EIF4B: variants seen among roughly 807,000 people sequenced by gnomAD.
The protein encoded by EIF4B is eukaryotic translation initiation factor 4B.
In EIF4B, 8 loss-of-function variants were observed where a neutral mutation model predicts 79.3. That is an observed-to-expected ratio of 0.10 (90% CI 0.06 to 0.18). The LOEUF (loss-of-function observed/expected upper bound fraction) is 0.18, where lower values mean the gene tolerates loss of function less well. EIF4B is among the 10% of genes least tolerant of loss of function. The pLI is 1.00. For missense variants in EIF4B, 515 were observed against 792.4 expected (o/e 0.65, Z 4.20); for synonymous variants, 238 against 274.7 (o/e 0.87, Z 1.32).
At chr12:53,021,975 C>A in intron 5 of EIF4B, 115 bp downstream of exon 5, 1 of 1,278,778 alleles carries the variant, frequency 7.8e-7, no homozygotes, top group Non-Finnish European at 1.1e-6. Context: ...TCTACAGTAA[C>A]AGTTTTCAAT....
intron 2 of EIF4B, among the ~76,000 whole-genome samples, chr12:53,017,939 T>C (rs893204872): frequency 6.6e-6 from 1 of 152,214 alleles, no homozygotes; most frequent in Non-Finnish European, 1.5e-5. Flanking sequence ...TGTTGGTATC[T>C]GAAGTACAAA....
Position 53,028,133 on chromosome 12 carries a change from G to T in EIF4B, c.924G>T (p.Arg308=). Residue 308 remains arginine, a synonymous_variant, in exon 8 of 15, where the codon CGG becomes CGT. Transcript: ENST00000262056. ...YEDRYDRRDD[R]SWSSRDDYSR... is the part of the protein sequence containing the mutation. Reference sequence around the variant, plus strand: ...ACCGATATGACAGACGGGATGATCGGTCGTGGAGCTCCAGAGATGATTACT... The same window carrying T: ...ACCGATATGACAGACGGGATGATCGTTCGTGGAGCTCCAGAGATGATTACT... 6.2e-7 allele frequency: 1 copy of T among 1,613,888 alleles called. No homozygotes were observed. Among genetic ancestry groups the T allele is most frequent in the Non-Finnish European group, 8.5e-7 (1 of 1,179,908 alleles).
intron 8 of EIF4B, among the ~76,000 whole-genome samples, chr12:53,031,287 TC>T (rs1943442161): frequency 6.6e-6 from 1 of 152,206 alleles, no homozygotes; most frequent in Non-Finnish European, 1.5e-5. Context: ...TTTACTTTTT[TC>T]TTCTTGAGAC....
intron 1 of EIF4B, among the ~76,000 whole-genome samples, chr12:53,011,211 G>A (rs1943058607): frequency 6.6e-6 from 1 of 152,144 alleles, no homozygotes; most frequent in Non-Finnish European, 1.5e-5. Flanking sequence ...AGGCTGCAGT[G>A]AGCCATTATC....
chr12:53,023,786 T>C (rs1410966538), intron 6 of EIF4B, among the ~76,000 whole-genome samples: 1 of 151,336 alleles, frequency 6.6e-6, no homozygotes, highest in East Asian at 1.9e-4. Context: ...TTTCTCCATG[T>C]TGGTCAGGCT....
intron 1 of EIF4B, among the ~76,000 whole-genome samples, chr12:53,007,608 T>A (rs1942991034): frequency 6.6e-6 from 1 of 152,098 alleles, no homozygotes; most frequent in South Asian, 2.1e-4. Context: ...CCCAACATCT[T>A]GTAGCATTGA....
Position 53,032,997 on chromosome 12 carries a change from TTTTATTTTTA to T in EIF4B, c.980-791_980-782del, listed in dbSNP as rs1332431131. Among the ~76,000 whole-genome samples the T allele has an allele frequency of 5.3e-5, 8 of 151,338 alleles. No homozygotes were observed. The South Asian group carries it at 1.5e-3, about 28-fold the overall frequency. Reference sequence around the variant, plus strand: ...GAACTTGGTTATTTATGCCACCTATTTTTATTTTTATTTATTTTTATTTATTTATTTTAGG... The same window carrying T: ...GAACTTGGTTATTTATGCCACCTATTTTTATTTTTATTTATTTATTTTAGG... On this transcript the variant is annotated intron_variant, in intron 8 of 14. Coordinates refer to ENST00000262056, the MANE Select transcript of EIF4B (RefSeq NM_001417.7).
In EIF4B at chr12:53,041,100, C is replaced by G. The variant is rs1943628426; in HGVS notation, c.*877C>G. ...TGAATATATCCACATTCTATTGAAA[C>G]CTTGAAACTAAAAATTTAGACTCTT... On this transcript the variant is annotated 3_prime_UTR_variant, in exon 15 of 15. Coordinates refer to ENST00000262056, the MANE Select transcript of EIF4B (RefSeq NM_001417.7). 1.3e-5 allele frequency: 2 copies of G among 152,052 alleles called. No homozygotes were observed. The highest frequency in any genetic ancestry group is 4.8e-5 in the African/African-American group (2 of 41,354). 9.4% of individuals were successfully genotyped at this position (152,052 alleles called of 1,614,324 possible). A position where few individuals can be genotyped will look rare whatever the true frequency, so the allele number is the denominator to read the frequency against.
Position 53,034,045 on chromosome 12 carries a change from T to A in EIF4B, c.1208+11T>A. Reference sequence around the variant, plus strand: ...ACGGCCTCGGGAGAGGTGTGTTGTCTTGATGGATATCCCATCTAGGAATCC... The same window carrying A: ...ACGGCCTCGGGAGAGGTGTGTTGTCATGATGGATATCCCATCTAGGAATCC... On this transcript the variant is annotated intron_variant, in intron 9 of 14. Transcript: ENST00000262056. 1 of 1,600,322 alleles carries A rather than the reference T, an allele frequency of 6.2e-7. No homozygotes were observed.
chr12:53,012,985 G>T (rs1943090769), intron 1 of EIF4B, among the ~76,000 whole-genome samples: 1 of 152,122 alleles, frequency 6.6e-6, no homozygotes, highest in African/African-American at 2.4e-5. Context: ...GACATTCTAA[G>T]ATTTAAAAGT....
chr12:53,021,949 G>A, intron 5 of EIF4B, 89 bp downstream of exon 5: 2 of 1,491,414 alleles, frequency 1.3e-6, no homozygotes, highest in Non-Finnish European at 9.3e-7. Context: ...TAGGGGTAGT[G>A]GTGGGCCTGC....
intron 2 of EIF4B, among the ~76,000 whole-genome samples, chr12:53,018,336 T>A (rs1028794827): frequency 1.3e-5 from 2 of 152,098 alleles, no homozygotes; most frequent in Non-Finnish European, 2.9e-5. Context: ...ATACTCAACT[T>A]CAAACTCACC....
At chr12:53,031,832 A>G (rs548609785) in intron 8 of EIF4B, among the ~76,000 whole-genome samples, 2 of 152,344 alleles carry the variant, frequency 1.3e-5, no homozygotes, top group East Asian at 3.9e-4. Context: ...TTTAGAGGAC[A>G]GAGTACAGCT....
At chr12:53,037,998 C>G (rs1175179529) in intron 11 of EIF4B, 5 of 272,212 alleles carry the variant, frequency 1.8e-5, no homozygotes, top group Non-Finnish European at 3.5e-5. Context: ...TGGCAGGTAC[C>G]TGTAATCCCA....
chr12:53,034,524 A>G, intron 9 of EIF4B, 88 bp from the exon 10 acceptor site: 2 of 1,191,370 alleles, frequency 1.7e-6, no homozygotes, highest in Non-Finnish European at 2.5e-6. Context: ...TAGATGAAGT[A>G]AGTGATGGTT....
At chr12:53,021,749 C>T in intron 4 of EIF4B, 57 bp from the exon 5 acceptor site, 6 of 1,602,038 alleles carry the variant, frequency 3.7e-6, no homozygotes, top group Non-Finnish European at 5.1e-6. Flanking sequence ...CAAGGTCACT[C>T]AAGGGATTTG....
Position 53,007,278 on chromosome 12 carries a change from C to T in EIF4B, c.13+782C>T, listed in dbSNP as rs547830840. Among the ~76,000 whole-genome samples the T allele has an allele frequency of 1.5e-3, 229 of 152,220 alleles. 1 individual carries two copies. Among genetic ancestry groups the T allele is most frequent in the African/African-American group, 5.2e-3 (217 of 41,526 alleles). On this transcript the variant is annotated intron_variant, in intron 1 of 14. Coordinates refer to ENST00000262056, the MANE Select transcript of EIF4B (RefSeq NM_001417.7). The stretch of plus-strand genomic sequence containing the variant: ...CACGTGTTGGAGAAGCACCGGTGTG[C>T]ACCTAGATTTCCTTCTAGGCTTTTT...
chr12:53,009,742 A>AAGTTCCATCC (rs1943031870), intron 1 of EIF4B, among the ~76,000 whole-genome samples: 1 of 152,166 alleles, frequency 6.6e-6, no homozygotes, highest in Non-Finnish European at 1.5e-5. Flanking sequence ...ATCCTCTATC[A>AAGTTCCATCC]TGTATATGTT....
intron 10 of EIF4B, among the ~76,000 whole-genome samples, chr12:53,035,652 GC>G (rs1337109867): frequency 6.6e-6 from 1 of 151,896 alleles, no homozygotes; most frequent in East Asian, 1.9e-4. Context: ...ACAGGCGTCA[GC>G]CACCGCACCC....
Sources: allele counts gnomAD v4.1 joint callset (sites outside exome capture counted in the v4.1 genomes callset), GRCh38; gene constraint gnomAD v4.1.1; transcripts MANE v1.5; gene names NCBI Gene and HGNC (gene_info 2026-07-23, HGNC 2026-07-21).